The following EPHX2 variants were observed in gnomAD, a reference collection of about 807,000 sequenced individuals.
The protein encoded by EPHX2 is bifunctional epoxide hydrolase 2.
In EPHX2, 74 loss-of-function variants were observed where a neutral mutation model predicts 78.7. The observed-to-expected ratio is 0.94, with a 90% CI of 0.78 to 1.14. EPHX2 has a LOEUF of 1.14. EPHX2 is among the 50% of genes most tolerant of loss of function. The pLI is 0.00. For missense variants in EPHX2, 715 were observed against 702.5 expected, an observed-to-expected ratio of 1.02 and a Z score of -0.20; for synonymous variants, 251 against 255.2, an observed-to-expected ratio of 0.98 and a Z score of 0.16.
chr8:27,501,084 G>A (rs1813751887), intron 2 of EPHX2, 74 bp downstream of exon 2: 3 of 1,360,676 alleles, frequency 2.2e-6, no homozygotes, highest in African/African-American at 1.5e-5. Flanking sequence ...CCGAACTTGG[G>A]GCCCACCATA....
At chr8:27,498,840 A>G (rs1241042463) in intron 1 of EPHX2, among the ~76,000 whole-genome samples, 1 of 152,224 alleles carries the variant, frequency 6.6e-6, no homozygotes, top group Non-Finnish European at 1.5e-5. Flanking sequence ...ACTGCAAATC[A>G]TTGAATTGTC....
intron 12 of EPHX2, among the ~76,000 whole-genome samples, chr8:27,533,920 G>A (rs945048667): frequency 5.1e-4 from 78 of 152,164 alleles, no homozygotes; most frequent in African/African-American, 1.8e-3. Flanking sequence ...TTTTGACATC[G>A]TTTGCCCTTT....
Position 27,506,869 on chromosome 8 carries a change from C to G in EPHX2, c.538-3C>G. 6.2e-7 allele frequency: 1 copy of G among 1,613,656 alleles called. No homozygotes were observed. The highest frequency in any genetic ancestry group is 8.5e-7 in the Non-Finnish European group (1 of 1,179,814). On this transcript the variant is annotated splice_polypyrimidine_tract_variant and splice_region_variant and intron_variant, in intron 4 of 18. Coordinates refer to ENST00000521400, the MANE Select transcript of EPHX2 (RefSeq NM_001979.6). Reference sequence around the variant, plus strand: ...AGATTCTCCCATGCTGTTTTGGGCTCAGGTCGTTTTTTTGGATGACATCGG... The same window carrying G: ...AGATTCTCCCATGCTGTTTTGGGCTGAGGTCGTTTTTTTGGATGACATCGG...
chr8:27,530,891 G>T (rs62504300), intron 12 of EPHX2, among the ~76,000 whole-genome samples: 1 of 150,752 alleles, frequency 6.6e-6, no homozygotes, highest in Non-Finnish European at 1.5e-5. Context: ...AGCCTCCCAA[G>T]TAGCTGGGAT....
At position 27,544,455 on chromosome 8, in the gene EPHX2, T is replaced by C; in HGVS notation, c.1601T>C (p.Val534Ala). The C allele has an allele frequency of 6.2e-7, 1 of 1,614,086 alleles. No homozygotes were observed. The highest frequency in any genetic ancestry group is 8.5e-7 in the Non-Finnish European group (1 of 1,180,024). Residue 534 changes from valine to alanine, a missense_variant, in exon 19 of 19, where the codon GTG becomes GCG. Coordinates refer to ENST00000521400, the MANE Select transcript of EPHX2 (RefSeq NM_001979.6). Reference sequence around the variant, plus strand: ...TCCCTTTCCCCCAGGCCAACCGAGGTGAATCAGATCCTCATTAAGTGGCTG... The same window carrying C: ...TCCCTTTCCCCCAGGCCAACCGAGGCGAATCAGATCCTCATTAAGTGGCTG... Reference protein sequence around the residue: ...HWTQMDKPTEVNQILIKWLDS... With the variant: ...HWTQMDKPTEANQILIKWLDS...
rs1013155155 is a variant in EPHX2 at position 27,492,542 on chromosome 8, G to A, written c.101+1233G>A. On this transcript the variant is annotated intron_variant, in intron 1 of 18. Transcript: ENST00000521400. ...GACCTTCGCAGTGAGTGTTACACTC[G>A]TAAAGATGGCGCAGACCCAAAGAGT... Among the ~76,000 whole-genome samples the A allele has an allele frequency of 1.3e-5, 2 of 152,138 alleles. 1 individual carries two copies. The highest frequency in any genetic ancestry group is 4.1e-4 in the South Asian group (2 of 4,820).
chr8:27,506,297 T>C (rs1303049564), intron 4 of EPHX2, among the ~76,000 whole-genome samples: 2 of 152,206 alleles, frequency 1.3e-5, no homozygotes, highest in Non-Finnish European at 2.9e-5. Flanking sequence ...TCTTTATTAC[T>C]ACATATAAAT....
At chr8:27,532,886 G>A (rs973283824) in intron 12 of EPHX2, among the ~76,000 whole-genome samples, 11 of 152,160 alleles carry the variant, frequency 7.2e-5, no homozygotes, top group African/African-American at 2.7e-4. Context: ...GAGGCCAAGT[G>A]GGAGGATCAC....
At chr8:27,543,903 C>A in intron 17 of EPHX2, 74 bp downstream of exon 17, 2 of 1,477,826 alleles carry the variant, frequency 1.4e-6, no homozygotes, top group Non-Finnish European at 1.9e-6. Flanking sequence ...GGGAAGACGG[C>A]AGCAGAAGAT....
chr8:27,497,415 C>T (rs963874002), intron 1 of EPHX2, among the ~76,000 whole-genome samples: 1 of 152,180 alleles, frequency 6.6e-6, no homozygotes, highest in African/African-American at 2.4e-5. Flanking sequence ...GGGTGATTGG[C>T]CTGCTCTGTT....
At chr8:27,527,115 AT>A (rs1353238634) in intron 12 of EPHX2, among the ~76,000 whole-genome samples, 9 of 151,510 alleles carry the variant, frequency 5.9e-5, no homozygotes, top group Non-Finnish European at 1.3e-4. Flanking sequence ...TAGTTTTTTG[AT>A]TTTTTTGTTT....
rs775195378 is a variant in EPHX2 at position 27,491,275 on chromosome 8, C to G, written c.67C>G (p.Leu23Val). The change falls in exon 1 of 19, where the codon CTC (leucine) becomes GTC (valine). Residue 23 changes from leucine (L) to valine (V), a missense_variant. Transcript: ENST00000521400. ...GGCGCTGCCAGCGGTGTTCGGCGTC[C>G]TCGGCCGCACGGAGGAGGCCCTGGC... is the stretch of plus-strand genomic sequence containing the variant. ...VLALPAVFGV[L>V]GRTEEALALP... is the part of the protein sequence containing the mutation. The G allele has an allele frequency of 6.3e-7, 1 of 1,576,962 alleles. No individual in the cohort carries two copies. Among genetic ancestry groups the G allele is most frequent in the Non-Finnish European group, 8.5e-7 (1 of 1,171,050 alleles).
downstream of EPHX2, among the ~76,000 whole-genome samples, chr8:27,548,264 G>A (rs748783826): frequency 2.6e-5 from 4 of 152,186 alleles, no homozygotes; most frequent in Non-Finnish European, 4.4e-5. Context: ...ACCAGTTTCC[G>A]TGTCGTTCAC....
intron 12 of EPHX2, among the ~76,000 whole-genome samples, chr8:27,526,803 G>A (rs1814860870): frequency 6.6e-6 from 1 of 152,106 alleles, no homozygotes; most frequent in Admixed American, 6.6e-5. Context: ...AGGCTGGAGT[G>A]CAGTGGTGTG....
chr8:27,526,905 C>G (rs957708955), intron 12 of EPHX2, among the ~76,000 whole-genome samples: 3 of 151,982 alleles, frequency 2.0e-5, no homozygotes, highest in African/African-American at 7.3e-5. Context: ...TGTGTGCCCC[C>G]ACACCTGGCT....
rs1056029834 is a variant in EPHX2 at position 27,540,652 on chromosome 8, T to C, written c.1375T>C (p.Phe459Leu). The change falls in exon 15 of 19, where the codon TTC becomes CTC. Residue 459 changes from phenylalanine (F) to leucine (L), a missense_variant. By Grantham distance (22) the Phe-to-Leu change is conservative (BLOSUM62 0). Coordinates refer to ENST00000521400, the MANE Select transcript of EPHX2 (RefSeq NM_001979.6). ...TGTGCAGCAGTTCAAGAAGTCTGGT[T>C]TCAGGTAAAGAGAGCACAGGGCCCA... ...FYVQQFKKSG[F>L]RGPLNWYRNM... The C allele has an allele frequency of 1.2e-6, 2 of 1,613,710 alleles. No homozygotes were observed. The highest frequency in any genetic ancestry group is 1.7e-6 in the Non-Finnish European group (2 of 1,179,794).
chr8:27,504,330 G>A (rs192038445), intron 3 of EPHX2, among the ~76,000 whole-genome samples: 82 of 152,254 alleles, frequency 5.4e-4, no homozygotes, highest in Middle Eastern at 3.4e-3. Context: ...CTCCTATTGC[G>A]TGGGAAGAGT....
At chr8:27,494,714 T>G (rs9785163) in intron 1 of EPHX2, among the ~76,000 whole-genome samples, 1 of 152,198 alleles carries the variant, frequency 6.6e-6, no homozygotes, top group African/African-American at 2.4e-5. Flanking sequence ...TTGGATGGTC[T>G]GAAGGAGATT....
chr8:27,502,754 T>C (rs1813847434), intron 2 of EPHX2, among the ~76,000 whole-genome samples: 1 of 152,246 alleles, frequency 6.6e-6, no homozygotes, highest in Admixed American at 6.5e-5. Flanking sequence ...CCTCTTCTTA[T>C]TTGGGCACCA....
Sources: allele counts gnomAD v4.1 joint callset (sites outside exome capture counted in the v4.1 genomes callset), GRCh38; gene constraint gnomAD v4.1.1; transcripts MANE v1.5; gene names NCBI Gene and HGNC (gene_info 2026-07-23, HGNC 2026-07-21).